MGAT4C: variants seen among roughly 807,000 people sequenced by gnomAD.
The protein encoded by MGAT4C is MGAT4 family member C.
A neutral mutation model predicts 40.1 loss-of-function variants in MGAT4C; 19 were observed. The ratio of observed to expected loss-of-function variants is 0.47; its 90% CI spans 0.33 to 0.70. MGAT4C has a LOEUF of 0.70. Among genes scored for constraint, MGAT4C ranks in the 30% least tolerant of loss-of-function variants. MGAT4C has a pLI of 0.02. For synonymous variants in MGAT4C, 181 were observed against 187.1 expected, an observed-to-expected ratio of 0.97 and a Z score of 0.27; for missense variants, 491 against 563.2, an observed-to-expected ratio of 0.87 and a Z score of 1.30.
intron 2 of MGAT4C, among the ~76,000 whole-genome samples, chr12:86,452,667 T>A (rs913701931): frequency 6.6e-6 from 1 of 151,914 alleles, no homozygotes; most frequent in East Asian, 1.9e-4. Flanking sequence ...AAGAGAAAAA[T>A]TAAGTAATAG....
At chr12:86,268,082 A>T (rs1423956599) in intron 4 of MGAT4C, among the ~76,000 whole-genome samples, 1 of 152,174 alleles carries the variant, frequency 6.6e-6, no homozygotes, top group Admixed American at 6.5e-5. Flanking sequence ...ATAGCTGTGT[A>T]TGTCAACCTT....
chr12:86,008,462 C>G (rs1888122620), intron 2 of MGAT4C, among the ~76,000 whole-genome samples: 1 of 151,852 alleles, frequency 6.6e-6, no homozygotes, highest in Non-Finnish European at 1.5e-5. Context: ...CATAGAAATT[C>G]AATTTATTTT....
chr12:86,759,919 T>G (rs1037341699), intron 1 of MGAT4C, among the ~76,000 whole-genome samples: 1 of 152,076 alleles, frequency 6.6e-6, no homozygotes, highest in African/African-American at 2.4e-5. Context: ...AATATTTACT[T>G]TTGTTTGCTG....
At chr12:86,437,241 T>C (rs2136274603) in intron 2 of MGAT4C, among the ~76,000 whole-genome samples, 1 of 151,954 alleles carries the variant, frequency 6.6e-6, no homozygotes, top group South Asian at 2.1e-4. Flanking sequence ...AGAAGAAGAT[T>C]GTAGACATTT....
At chr12:86,781,356 G>A (rs1951837110) in intron 1 of MGAT4C, among the ~76,000 whole-genome samples, 1 of 151,276 alleles carries the variant, frequency 6.6e-6, no homozygotes, top group South Asian at 2.1e-4. Context: ...ATTCTGACTC[G>A]TATAAATTGT....
At chr12:86,341,034 T>C (rs1954895024) in intron 3 of MGAT4C, among the ~76,000 whole-genome samples, 1 of 152,208 alleles carries the variant, frequency 6.6e-6, no homozygotes, top group Non-Finnish European at 1.5e-5. Flanking sequence ...CTAGTGCTTG[T>C]GGCTCTCACG....
At chr12:86,070,139 T>G (rs1364381660) in intron 1 of MGAT4C, among the ~76,000 whole-genome samples, 2 of 151,744 alleles carry the variant, frequency 1.3e-5, no homozygotes, top group South Asian at 2.1e-4. Flanking sequence ...AATATTCCCA[T>G]GGTTCTAACA....
At chr12:86,485,220 C>G (rs1032887698) in intron 2 of MGAT4C, among the ~76,000 whole-genome samples, 1 of 152,124 alleles carries the variant, frequency 6.6e-6, no homozygotes, top group South Asian at 2.1e-4. Context: ...TGCTAGTTCT[C>G]CAGCAATGTT....
intron 2 of MGAT4C, among the ~76,000 whole-genome samples, chr12:86,041,095 G>C (rs1891788190): frequency 6.6e-6 from 1 of 151,780 alleles, no homozygotes; most frequent in African/African-American, 2.4e-5. Flanking sequence ...TAATCTGGCT[G>C]GTTGCTGCAG....
chr12:86,590,658 A>G (rs185422911), intron 2 of MGAT4C, among the ~76,000 whole-genome samples: 1 of 152,152 alleles, frequency 6.6e-6, no homozygotes, highest in Non-Finnish European at 1.5e-5. Flanking sequence ...GCTTAAGCTT[A>G]CACAGGCATA....
chr12:86,656,552 C>G (rs533459163), intron 2 of MGAT4C, among the ~76,000 whole-genome samples: 182 of 152,160 alleles, frequency 1.2e-3, no homozygotes, highest in African/African-American at 4.3e-3. Flanking sequence ...GGTTTCTGAA[C>G]TGGAATATTT....
At chr12:86,567,135 A>G (rs1960163520) in intron 2 of MGAT4C, among the ~76,000 whole-genome samples, 1 of 152,162 alleles carries the variant, frequency 6.6e-6, no homozygotes, top group Non-Finnish European at 1.5e-5. Context: ...ATCAGTATCC[A>G]ATATATGGTA....
rs77826948 is a variant in MGAT4C at position 86,465,439 on chromosome 12, G to A, written c.-228-30174C>T. On this transcript the variant is annotated intron_variant, in intron 2 of 7. Transcript: ENST00000548651. ...AATTCTGCCAAGAAAATGAAATGAC[G>A]AACCACAGACTGACAGAAAATATTT... is the stretch of plus-strand genomic sequence containing the variant. Among the ~76,000 whole-genome samples the A allele has an allele frequency of 6.5e-3, 988 of 151,786 alleles. 11 individuals are homozygous for A. Among genetic ancestry groups the A allele is most frequent in the African/African-American group, 0.023 (943 of 41,380 alleles).
chr12:86,838,581 C>G (rs1398721106), intron 1 of MGAT4C: 1 of 152,168 alleles, frequency 6.6e-6, no homozygotes. Context: ...ACATCTTTCT[C>G]TTTTTACAGG....
chr12:86,615,850 C>T (rs962445343), intron 2 of MGAT4C, among the ~76,000 whole-genome samples: 1 of 152,038 alleles, frequency 6.6e-6, no homozygotes, highest in East Asian at 1.9e-4. Flanking sequence ...TAGAATAGAT[C>T]AGGCTCAGTC....
chr12:86,275,748 A>C (rs1362272232), intron 4 of MGAT4C, among the ~76,000 whole-genome samples: 1 of 151,996 alleles, frequency 6.6e-6, no homozygotes, highest in Non-Finnish European at 1.5e-5. Flanking sequence ...CTCCCCTAGA[A>C]TCTCTAGAAG....
chr12:86,284,587 G>A (rs904612149), intron 4 of MGAT4C, among the ~76,000 whole-genome samples: 7 of 151,880 alleles, frequency 4.6e-5, no homozygotes, highest in African/African-American at 1.7e-4. Flanking sequence ...TATAGTAGAA[G>A]TTGTCTTACT....
chr12:86,622,979 A>G lies in MGAT4C; in HGVS notation c.-229+104230T>C, dbSNP rs1962686275. Reference sequence around the variant, plus strand: ...CAAAACTCCCAGAGCCAAAACTACAATGTCTCAAGTGAAAACTACTTTTGA... The same window carrying G: ...CAAAACTCCCAGAGCCAAAACTACAGTGTCTCAAGTGAAAACTACTTTTGA... On this transcript the variant is annotated intron_variant, in intron 2 of 7. Coordinates refer to the MGAT4C transcript ENST00000548651. Among the ~76,000 whole-genome samples, 4 of 152,170 alleles carry G rather than the reference A, an allele frequency of 2.6e-5. No homozygotes were observed. The South Asian group carries it at 8.3e-4, about 31-fold the overall frequency.
chr12:86,582,691 TAC>T (rs905116818), intron 2 of MGAT4C, among the ~76,000 whole-genome samples: 28 of 151,332 alleles, frequency 1.9e-4, no homozygotes, highest in Admixed American at 2.6e-4. Context: ...CTGAATCTGA[TAC>T]ACAGTCTGGT....
Sources: allele counts gnomAD v4.1 joint callset (sites outside exome capture counted in the v4.1 genomes callset), GRCh38; gene constraint gnomAD v4.1.1; transcripts MANE v1.5; gene names NCBI Gene and HGNC (gene_info 2026-07-23, HGNC 2026-07-21).